UTRN: variants seen among roughly 807,000 people sequenced by gnomAD.
UTRN encodes the protein utrophin.
A neutral mutation model predicts 463.9 loss-of-function variants in UTRN; 283 were observed. The ratio of observed to expected loss-of-function variants is 0.61; its 90% CI spans 0.55 to 0.67. The LOEUF (loss-of-function observed/expected upper bound fraction) is 0.67, where lower values mean the gene tolerates loss of function less well. UTRN is among the 30% of genes least tolerant of loss of function. UTRN has a pLI of 0.00. For synonymous variants in UTRN, 1,442 were observed against 1,431.5 expected, an observed-to-expected ratio of 1.01 and a Z score of -0.17; for missense variants, 3,922 against 4,084.3, an observed-to-expected ratio of 0.96 and a Z score of 1.08.
At chr6:144,625,357 T>G (rs1256570717) in intron 51 of UTRN, among the ~76,000 whole-genome samples, 1 of 152,252 alleles carries the variant, frequency 6.6e-6, no homozygotes, top group Non-Finnish European at 1.5e-5. Context: ...TATACTATTT[T>G]GAGTTGGATT....
chr6:144,493,514 T>G, intron 33 of UTRN, 58 bp downstream of exon 33: 2 of 1,500,156 alleles, frequency 1.3e-6, no homozygotes, highest in Non-Finnish European at 1.8e-6. Flanking sequence ...TCTCTCAATC[T>G]CTCTCTCTCT....
chr6:144,388,583 C>T (rs1004020611), intron 2 of UTRN, among the ~76,000 whole-genome samples: 1 of 151,946 alleles, frequency 6.6e-6, no homozygotes, highest in African/African-American at 2.4e-5. Context: ...CTGCAGCCTC[C>T]ACCTCCCCAG....
intron 2 of UTRN, among the ~76,000 whole-genome samples, chr6:144,370,288 G>T (rs1291971442): frequency 6.6e-6 from 1 of 152,178 alleles, no homozygotes; most frequent in African/African-American, 2.4e-5. Flanking sequence ...GCTGCTTTGT[G>T]CAGTCCTGGG....
chr6:144,686,802 T>C (rs2128689386), intron 52 of UTRN, among the ~76,000 whole-genome samples: 2 of 152,092 alleles, frequency 1.3e-5, no homozygotes, highest in Middle Eastern at 6.8e-3. Context: ...TAGGTGAGTG[T>C]CTTGAAGAGA....
chr6:144,430,577 GTTAC>G (rs909975364), intron 9 of UTRN, among the ~76,000 whole-genome samples: 1 of 152,136 alleles, frequency 6.6e-6, no homozygotes, highest in Admixed American at 6.5e-5. Context: ...GTTTTGGGTT[GTTAC>G]TTAAACTCTC....
intron 24 of UTRN, among the ~76,000 whole-genome samples, chr6:144,474,063 A>G (rs951354143): frequency 4.6e-5 from 7 of 151,868 alleles, no homozygotes; most frequent in Non-Finnish European, 1.0e-4. Flanking sequence ...AGAATAGAGA[A>G]CAAGAACAAT....
At chr6:144,770,746 T>G (rs1489750024) in intron 58 of UTRN, among the ~76,000 whole-genome samples, 1 of 152,154 alleles carries the variant, frequency 6.6e-6, no homozygotes, top group Non-Finnish European at 1.5e-5. Context: ...GCTTTTAAAG[T>G]GAAGAACATG....
In UTRN at chr6:144,696,596, C is replaced by T. The variant is rs965531674; in HGVS notation, c.7653-3491C>T. Among the ~76,000 whole-genome samples the T allele has an allele frequency of 1.8e-4, 28 of 151,968 alleles. 1 individual carries two copies. Among genetic ancestry groups the T allele is most frequent in the Non-Finnish European group, 4.4e-5 (3 of 67,976 alleles). On this transcript the variant is annotated intron_variant, in intron 52 of 74. Transcript: ENST00000367545. ...CAATCTTTTAAAGTTACTTGTTGTT[C>T]TTGGACTAATAAAGGTATTTTCTTT...
intron 52 of UTRN, among the ~76,000 whole-genome samples, chr6:144,683,348 C>T (rs1360991213): frequency 6.6e-6 from 1 of 152,166 alleles, no homozygotes; most frequent in African/African-American, 2.4e-5. Context: ...AGATTCGTCA[C>T]TCTACCTTTG....
At position 144,557,174 on chromosome 6, in the gene UTRN, G is replaced by A. The variant is rs745325503; in HGVS notation, c.7152G>A (p.Leu2384=). The A allele has an allele frequency of 1.9e-6, 3 of 1,613,754 alleles. No homozygotes were observed. Among genetic ancestry groups the A allele is most frequent in the Non-Finnish European group, 2.5e-6 (3 of 1,179,786 alleles). ...CACCTCAGATACTGCTTCAAGAACT[G>A]GGTCCTGGAGATGGTATCGTCATGG... ...ISDNQILLQE[L]GPGDGIVMAF... Residue 2384 remains leucine (L), a synonymous_variant, in exon 50 of 75, where the codon CTG becomes CTA. Transcript: ENST00000367545.
chr6:144,736,593 T>C (rs751791874), intron 54 of UTRN, among the ~76,000 whole-genome samples: 2 of 152,202 alleles, frequency 1.3e-5, no homozygotes, highest in African/African-American at 4.8e-5. Context: ...CCTATTTCAA[T>C]ATATTCTTAA....
chr6:144,521,466 A>G (rs1326485795), intron 39 of UTRN, among the ~76,000 whole-genome samples: 1 of 152,194 alleles, frequency 6.6e-6, no homozygotes, highest in Non-Finnish European at 1.5e-5. Flanking sequence ...GATTAAGATT[A>G]CATACTGAAT....
In UTRN at chr6:144,645,596, A is replaced by C. The variant is rs575945602; in HGVS notation, c.7480-32810A>C. 2.6e-4 allele frequency among the ~76,000 whole-genome samples: 40 copies of C among 152,336 alleles called. No individual in the cohort carries two copies. The South Asian group carries it at 8.1e-3, about 31-fold the overall frequency. On this transcript the variant is annotated intron_variant, in intron 51 of 74. Coordinates refer to ENST00000367545, the MANE Select transcript of UTRN (RefSeq NM_007124.3). ...TTTTTTGATTAATAACAAGAGACAGAATCTGAAGGGTTAGAGGAAATGCAT... is the reference window on the plus strand; with the variant it reads ...TTTTTTGATTAATAACAAGAGACAGCATCTGAAGGGTTAGAGGAAATGCAT...
In UTRN at chr6:144,510,955, G is replaced by A. The variant is rs1469016876; in HGVS notation, c.4776G>A (p.Lys1592=). 5 of 1,591,018 alleles carry A rather than the reference G, an allele frequency of 3.1e-6. No individual in the cohort carries two copies. Among genetic ancestry groups the A allele is most frequent in the Admixed American group, 1.7e-5 (1 of 57,824 alleles). Residue 1592 remains lysine, a synonymous_variant, in exon 35 of 75, where the codon AAG becomes AAA. Transcript: ENST00000367545. ...TEISWAKNVL[K]DLEKRKADLN... ...TTTTTATTTTCTAGAATGTTCTGAAGGATCTGGAAAAGAGAAAAGCTGATT... is the reference window on the plus strand; with the variant it reads ...TTTTTATTTTCTAGAATGTTCTGAAAGATCTGGAAAAGAGAAAAGCTGATT...
intron 2 of UTRN, among the ~76,000 whole-genome samples, chr6:144,399,300 G>A (rs1390654642): frequency 6.6e-6 from 1 of 152,094 alleles, no homozygotes; most frequent in African/African-American, 2.4e-5. Context: ...GAGCATAATG[G>A]CATAACTAAG....
intron 42 of UTRN, among the ~76,000 whole-genome samples, chr6:144,531,425 G>A (rs1373564500): frequency 6.6e-6 from 1 of 152,152 alleles, no homozygotes; most frequent in East Asian, 1.9e-4. Context: ...AATACTCCTT[G>A]GTGGCTAATG....
At chr6:144,427,660 G>T (rs934839477) in intron 7 of UTRN, among the ~76,000 whole-genome samples, 1 of 152,018 alleles carries the variant, frequency 6.6e-6, no homozygotes, top group African/African-American at 2.4e-5. Context: ...AGCTTTTTTG[G>T]TACACTTTTT....
rs1776553189 is a variant in UTRN, at chr6:144,789,214, G to C, written c.8855G>C (p.Arg2952Thr). The C allele has an allele frequency of 1.2e-6, 2 of 1,613,240 alleles. No homozygotes were observed. The highest frequency in any genetic ancestry group is 1.7e-6 in the Non-Finnish European group (2 of 1,179,652). Reference sequence around the variant, plus strand: ...TTTAGGGGTCGAACTGGAAAAATTAGAGTGCAGAGTCTGAAGATTGGATTA... The same window carrying C: ...TTTAGGGGTCGAACTGGAAAAATTACAGTGCAGAGTCTGAAGATTGGATTA... ...VYDTGRTGKI[R>T]VQSLKIGLMS... The change falls in exon 62 of 75, where the codon AGA becomes ACA. Residue 2952 changes from arginine (R) to threonine (T), a missense_variant. Arg to Thr is a moderately conservative substitution (Grantham distance 71). Transcript: ENST00000367545.
intron 52 of UTRN, among the ~76,000 whole-genome samples, chr6:144,696,478 G>A (rs188755974): frequency 1.3e-5 from 2 of 152,076 alleles, no homozygotes; most frequent in African/African-American, 4.8e-5. Context: ...TGGAATCACG[G>A]CTTTGGTGTT....
Sources: gnomAD v4.1 joint callset for allele counts (sites outside exome capture counted in the v4.1 genomes callset) on GRCh38, gnomAD v4.1.1 for gene constraint, MANE v1.5 for transcripts, NCBI Gene and HGNC (gene_info 2026-07-23, HGNC 2026-07-21) for gene names.